The following BTBD17 variants were observed in gnomAD, a reference collection of about 807,000 sequenced individuals.
The protein encoded by BTBD17 is BTB domain containing 17.
In BTBD17, 26 loss-of-function variants were observed where a neutral mutation model predicts 36.9. The ratio of observed to expected loss-of-function variants is 0.70; its 90% confidence interval spans 0.52 to 0.98. The LOEUF is 0.98. BTBD17 is among the 50% of genes least tolerant of loss of function. The pLI is 0.00. For missense variants in BTBD17, 630 were observed against 691.3 expected (o/e 0.91, Z 0.99); for synonymous variants, 341 against 338.0 (o/e 1.01, Z -0.10).
rs1161064637 is a variant in BTBD17 at position 74,357,692 on chromosome 17, C to G, written c.402G>C (p.Gln134His). The change falls in exon 3 of 3, where the codon CAG becomes CAC. Residue 134 changes from glutamine to histidine, a missense_variant. Physicochemically the swap from Gln to His is conservative, Grantham distance 24 (BLOSUM62 0). Transcript: ENST00000375366. The surrounding 1 kb of genome is among the most constrained non-coding windows in gnomAD (Gnocchi z 8.4). ...YCGELTVLLT[Q>H]AIPLHRLATK... ...TGGCCAGTCTGTGCAGGGGGATGGCCTGGGTCAGCAGCACGGTCAGCTCCC... is the reference window on the plus strand; with the variant it reads ...TGGCCAGTCTGTGCAGGGGGATGGCGTGGGTCAGCAGCACGGTCAGCTCCC... The G allele has an allele frequency of 1.3e-6, 2 of 1,547,524 alleles. No individual in the cohort carries two copies. Among genetic ancestry groups the G allele is most frequent in the Admixed American group, 3.9e-5 (2 of 51,160 alleles).
At position 74,356,546 on chromosome 17, in the gene BTBD17, C is replaced by G; in HGVS notation, c.*111G>C. The G allele has an allele frequency of 7.4e-7, 1 of 1,343,514 alleles. No individual in the cohort carries two copies. Among genetic ancestry groups the G allele is most frequent in the Non-Finnish European group, 9.6e-7 (1 of 1,044,680 alleles). The allele number at this position is 1,343,514 out of a possible 1,614,324, so 83.2% of individuals were successfully genotyped here. On this transcript the variant is annotated 3_prime_UTR_variant, in exon 3 of 3. Transcript: ENST00000375366. The surrounding 1 kb of genome is among the most constrained non-coding windows in gnomAD (Gnocchi z 4.3). ...GACTCCACCCCAGCCCTAGGGTGGC[C>G]GGCGCCTGGCCATCCAGGGGACCAG...
At chr17:74,359,531 T>C (rs2054922492) in intron 2 of BTBD17, among the ~76,000 whole-genome samples, 1 of 152,026 alleles carries the variant, frequency 6.6e-6, no homozygotes, top group Non-Finnish European at 1.5e-5. Flanking sequence ...GGGATTACAG[T>C]CGTGTGCCAC....
upstream of BTBD17, among the ~76,000 whole-genome samples, chr17:74,362,965 C>CGCGCGTGT (rs112779081): frequency 1.4e-4 from 21 of 146,020 alleles, no homozygotes; most frequent in East Asian, 1.4e-3. Context: ...AGCGCGCGCG[C>CGCGCGTGT]ATGTGTGTGT....
chr17:74,357,804 A>G lies in BTBD17; in HGVS notation c.363-73T>C, dbSNP rs1317051687. The G allele has an allele frequency of 2.4e-6, 3 of 1,242,150 alleles. No homozygotes were observed. The highest frequency in any genetic ancestry group is 3.1e-5 in the African/African-American group (2 of 64,982). 76.9% of individuals were successfully genotyped at this position (1,242,150 alleles called of 1,614,324 possible). ...TCCCAGGATAGATTTTTTAGAGTCC[A>G]CAGGGGACCCGGCCTGGAGTTGGAG... On this transcript the variant is annotated intron_variant, in intron 2 of 2. Transcript: ENST00000375366. This position sits in a 1 kb window ranked among gnomAD's most constrained non-coding sequence, Gnocchi z 8.4.
At chr17:74,359,815 G>A (rs1050157426) in intron 2 of BTBD17, among the ~76,000 whole-genome samples, 154 bp downstream of exon 2, 1 of 152,198 alleles carries the variant, frequency 6.6e-6, no homozygotes, top group Admixed American at 6.5e-5. Context: ...GCTGTACAGT[G>A]GAAGAAGGGA....
Position 74,361,807 on chromosome 17 carries a change from C to A in BTBD17, c.13G>T (p.Gly5Cys). 1 of 1,613,818 alleles carries A rather than the reference C, an allele frequency of 6.2e-7. No individual in the cohort carries two copies. The highest frequency in any genetic ancestry group is 8.5e-7 in the Non-Finnish European group (1 of 1,179,808). ...CCCCAGGACCCAGGCTTGGAGTAGC[C>A]TCTCCTAGGCATCTTTATGCTCAGC... MPRR[G>C]YSKPGSWGSF... is the part of the protein sequence containing the mutation. Residue 5 changes from glycine to cysteine, a missense_variant, in exon 1 of 3, where the codon GGC becomes TGC. Transcript: ENST00000375366.
rs971816196 is a variant in BTBD17, at chr17:74,357,434, C to T, written c.660G>A (p.Ser220=). ...CCAGTTCATCCTGCAGCACCAGGTC[C>T]GAGCGTTGCAGGAGCTGCCAGAGCA... ...PELLWQLLQR[S]DLVLQDELEL... Residue 220 remains serine, a synonymous_variant, in exon 3 of 3, where the codon TCG becomes TCA. Coordinates refer to ENST00000375366, the MANE Select transcript of BTBD17 (RefSeq NM_001080466.2). This position sits in a 1 kb window ranked among gnomAD's most constrained non-coding sequence, Gnocchi z 8.4. 1.9e-6 allele frequency: 3 copies of T among 1,584,126 alleles called. No individual in the cohort carries two copies. In the African/African-American group the frequency reaches 4.0e-5, roughly 21 times the overall value.
chr17:74,359,948 C>G, intron 2 of BTBD17, 21 bp downstream of exon 2: 1 of 1,597,374 alleles, frequency 6.3e-7, no homozygotes, highest in Non-Finnish European at 8.6e-7. Flanking sequence ...GAAGCCATCC[C>G]CTAGTCTTCC....
Position 74,356,982 on chromosome 17 carries a change from G to A in BTBD17, c.1112C>T (p.Pro371Leu). ...AGTGCCCGCGGCGTCCGCGTAAACG[G>A]GCCGCAGGCTGACGGGCAGCCAGCG... ...SPRWLPVSLR[P>L]VYADAAGTAL... Residue 371 changes from proline to leucine, a missense_variant, in exon 3 of 3, where the codon CCC becomes CTC. By Grantham distance (98) the Pro-to-Leu change is moderately conservative. Transcript: ENST00000375366. This position sits in a 1 kb window ranked among gnomAD's most constrained non-coding sequence, Gnocchi z 4.3. The A allele has an allele frequency of 6.8e-7, 1 of 1,465,372 alleles. No individual in the cohort carries two copies. The highest frequency in any genetic ancestry group is 1.3e-5 in the South Asian group (1 of 75,104). 90.8% of individuals were successfully genotyped at this position (1,465,372 alleles called of 1,614,324 possible).
chr17:74,357,210 G>C lies in BTBD17; in HGVS notation c.884C>G (p.Ala295Gly). ...LLLQAYQFHAASPLHYAKFFD... is the reference protein window; with the variant it reads ...LLLQAYQFHAGSPLHYAKFFD... ...GAACTTGGCGTAGTGCAGCGGCGAC[G>C]CGGCGTGGAACTGGTAGGCCTGCAG... Residue 295 changes from alanine (A) to glycine (G), a missense_variant, in exon 3 of 3, where the codon GCG (alanine) becomes GGG (glycine). Physicochemically the swap from Ala to Gly is moderately conservative, Grantham distance 60. Coordinates refer to ENST00000375366, the MANE Select transcript of BTBD17 (RefSeq NM_001080466.2). This position sits in a 1 kb window ranked among gnomAD's most constrained non-coding sequence, Gnocchi z 8.4. 1 of 1,573,188 alleles carries C rather than the reference G, an allele frequency of 6.4e-7. No homozygotes were observed. Among genetic ancestry groups the C allele is most frequent in the Non-Finnish European group, 8.6e-7 (1 of 1,164,216 alleles).
Position 74,357,817 on chromosome 17 carries a change from C to A in BTBD17, c.363-86G>T. The stretch of plus-strand genomic sequence containing the variant: ...TTTTTAGAGTCCACAGGGGACCCGG[C>A]CTGGAGTTGGAGCTTCACTGTCCGG... On this transcript the variant is annotated intron_variant, in intron 2 of 2. Coordinates refer to ENST00000375366, the MANE Select transcript of BTBD17 (RefSeq NM_001080466.2). This position sits in a 1 kb window ranked among gnomAD's most constrained non-coding sequence, Gnocchi z 8.4. 3 of 1,095,932 alleles carry A rather than the reference C, an allele frequency of 2.7e-6. No individual in the cohort carries two copies. The highest frequency in any genetic ancestry group is 3.8e-6 in the Non-Finnish European group (3 of 789,334). The allele number at this position is 1,095,932 out of a possible 1,614,324, so 67.9% of individuals were successfully genotyped here. A position where few individuals can be genotyped will look rare whatever the true frequency, so the allele number is the denominator to read the frequency against.
chr17:74,359,215 T>C (rs1238740350), intron 2 of BTBD17, among the ~76,000 whole-genome samples: 1 of 151,594 alleles, frequency 6.6e-6, no homozygotes, highest in East Asian at 1.9e-4. Context: ...TGCTTTCAAA[T>C]AAAAAATATT....
In BTBD17 at chr17:74,360,395, G is replaced by T. The variant is rs978527921; in HGVS notation, c.86-150C>A. 6.5e-6 allele frequency: 5 copies of T among 770,804 alleles called. No homozygotes were observed. In the African/African-American group the frequency reaches 8.8e-5, roughly 14 times the overall value. 47.7% of individuals were successfully genotyped at this position (770,804 alleles called of 1,614,324 possible). On this transcript the variant is annotated intron_variant, in intron 1 of 2. Coordinates refer to ENST00000375366, the MANE Select transcript of BTBD17 (RefSeq NM_001080466.2). ...GCGGGTTGTATGTGCATACCTGTTTGTGCCCACGAGGCGCGTGGATGCATC... is the reference window on the plus strand; with the variant it reads ...GCGGGTTGTATGTGCATACCTGTTTTTGCCCACGAGGCGCGTGGATGCATC...
At chr17:74,361,476 C>T (rs28430711) in intron 1 of BTBD17, among the ~76,000 whole-genome samples, 31,099 of 152,198 alleles carry the variant, frequency 0.2, 3,484 homozygotes, top group African/African-American at 0.27. Flanking sequence ...CTTTGAAGGA[C>T]CTGAATGCTG....
In BTBD17 at chr17:74,357,136, C is replaced by G. The variant is rs780932457; in HGVS notation, c.958G>C (p.Ala320Pro). The change falls in exon 3 of 3, where the codon GCC becomes CCC. Residue 320 changes from alanine to proline, a missense_variant. By Grantham distance (27) the Ala-to-Pro change is conservative. Coordinates refer to ENST00000375366, the MANE Select transcript of BTBD17 (RefSeq NM_001080466.2). This position sits in a 1 kb window ranked among gnomAD's most constrained non-coding sequence, Gnocchi z 8.4. ...AFLPRNYLAP[A>P]WGAPWVINNP... Reference sequence around the variant, plus strand: ...TTGATGACCCACGGGGCGCCCCAGGCGGGCGCGAGGTAGTTGCGGGGCAGG... The same window carrying G: ...TTGATGACCCACGGGGCGCCCCAGGGGGGCGCGAGGTAGTTGCGGGGCAGG... 1 of 1,529,872 alleles carries G rather than the reference C, an allele frequency of 6.5e-7. No homozygotes were observed. The highest frequency in any genetic ancestry group is 8.7e-7 in the Non-Finnish European group (1 of 1,145,942). 94.8% of individuals were successfully genotyped at this position (1,529,872 alleles called of 1,614,324 possible).
rs1361133139 is a variant in BTBD17 at position 74,357,946 on chromosome 17, G to A, written c.363-215C>T. ...ACAGGCTCTTCTTTCCGTTTCCGCG[G>A]TGATGTAGAAATTGCCTGCATTGAC... On this transcript the variant is annotated intron_variant, in intron 2 of 2. Transcript: ENST00000375366. The surrounding 1 kb of genome is among the most constrained non-coding windows in gnomAD (Gnocchi z 8.4). Among the ~76,000 whole-genome samples, 1 of 152,230 alleles carries A rather than the reference G, an allele frequency of 6.6e-6. No homozygotes were observed. Among genetic ancestry groups the A allele is most frequent in the Non-Finnish European group, 1.5e-5 (1 of 68,042 alleles).
Position 74,359,969 on chromosome 17 carries a change from C to T in BTBD17, c.362G>A (p.Arg121Lys). The change falls in exon 2 of 3, where the codon AGG becomes AAG. Residue 121 changes from arginine to lysine, a missense_variant and splice_region_variant. Arg to Lys is a conservative substitution (Grantham distance 26). Transcript: ENST00000375366. Reference protein sequence around the residue: ...DCAAVFDKFIRYLYCGELTVL... With the variant: ...DCAAVFDKFIKYLYCGELTVL... ...ATCCCCTAGTCTTCCGCGTCCCCACCTGATGAACTTGTCGAAGACAGCGGC... is the reference window on the plus strand; with the variant it reads ...ATCCCCTAGTCTTCCGCGTCCCCACTTGATGAACTTGTCGAAGACAGCGGC... 1 of 1,606,764 alleles carries T rather than the reference C, an allele frequency of 6.2e-7. No individual in the cohort carries two copies. The highest frequency in any genetic ancestry group is 1.1e-5 in the South Asian group (1 of 90,932).
In BTBD17 at chr17:74,356,591, C is replaced by A. The variant is rs547491935; in HGVS notation, c.*66G>T. 7.3e-7 allele frequency: 1 copy of A among 1,374,778 alleles called. No homozygotes were observed. 85.2% of individuals were successfully genotyped at this position (1,374,778 alleles called of 1,614,324 possible). ...GACCAGGCTTGTTGCCACCTCCAGG[C>A]TCGCCTTGCCCTTCCCAGACCCACA... On this transcript the variant is annotated 3_prime_UTR_variant, in exon 3 of 3. Coordinates refer to ENST00000375366, the MANE Select transcript of BTBD17 (RefSeq NM_001080466.2). This position sits in a 1 kb window ranked among gnomAD's most constrained non-coding sequence, Gnocchi z 4.3.
rs1470503979 is a variant in BTBD17, at chr17:74,357,173, G to A, written c.921C>T (p.Asn307=). ...AGTTGCGGGGCAGGAAGGCGCTGCC[G>A]TTGACGTCGAAGAACTTGGCGTAGT... ...PLHYAKFFDV[N]GSAFLPRNYL... Residue 307 remains asparagine (N), a synonymous_variant, in exon 3 of 3, where the codon AAC becomes AAT. Transcript: ENST00000375366. This position sits in a 1 kb window ranked among gnomAD's most constrained non-coding sequence, Gnocchi z 8.4. 1.9e-6 allele frequency: 3 copies of A among 1,551,892 alleles called. No individual in the cohort carries two copies. Among genetic ancestry groups the A allele is most frequent in the East Asian group, 2.5e-5 (1 of 39,910 alleles).
Sources: allele counts gnomAD v4.1 joint callset (sites outside exome capture counted in the v4.1 genomes callset), GRCh38; gene constraint gnomAD v4.1.1; non-coding constraint Gnocchi (gnomAD v3.1); transcripts MANE v1.5; gene names NCBI Gene and HGNC (gene_info 2026-07-23, HGNC 2026-07-21).